The following ADGRV1 variants were observed in gnomAD, a reference collection of about 807,000 sequenced individuals.
The protein encoded by ADGRV1 is adhesion G protein-coupled receptor V1, also known as G-protein coupled receptor 98.
Under a neutral mutation model 596.2 loss-of-function variants are expected in ADGRV1, and 359 were observed. The ratio of observed to expected loss-of-function variants is 0.60; its 90% CI spans 0.55 to 0.66. ADGRV1 has a LOEUF of 0.66. Among genes scored for constraint, ADGRV1 ranks in the 30% least tolerant of loss-of-function variants. The pLI is 0.00. For missense variants in ADGRV1, 7,274 were observed against 7,575.6 expected (o/e 0.96, Z 1.48); for synonymous variants, 2,681 against 2,679.2 (o/e 1.00, Z -0.02).
At chr5:90,634,726 G>A (rs1315749304) in intron 9 of ADGRV1, among the ~76,000 whole-genome samples, 1 of 152,158 alleles carries the variant, frequency 6.6e-6, no homozygotes, top group Non-Finnish European at 1.5e-5. Flanking sequence ...TAGTGAAGGG[G>A]CATGGAACAG....
intron 31 of ADGRV1, 107 bp from the exon 32 acceptor site, chr5:90,692,498 T>C (rs1746609544): frequency 1.3e-6 from 1 of 795,564 alleles, no homozygotes; most frequent in African/African-American, 1.8e-5. Flanking sequence ...TTCATTCCAT[T>C]TTGTTCTTGT....
At chr5:90,810,179 C>A in intron 73 of ADGRV1, 54 bp from the exon 74 acceptor site, 1 of 1,361,642 alleles carries the variant, frequency 7.3e-7, no homozygotes, top group South Asian at 1.5e-5. Context: ...TCTCTACAGT[C>A]ATATTCCTAT....
chr5:91,032,211 A>G (rs1735170884), intron 85 of ADGRV1, among the ~76,000 whole-genome samples: 1 of 152,248 alleles, frequency 6.6e-6, no homozygotes, highest in Non-Finnish European at 1.5e-5. Flanking sequence ...TGGGGATTGC[A>G]AAGAGGCCAG....
At chr5:91,112,056 C>T (rs1057202948) in intron 87 of ADGRV1, among the ~76,000 whole-genome samples, 2 of 152,216 alleles carry the variant, frequency 1.3e-5, no homozygotes, top group African/African-American at 2.4e-5. Context: ...AACTCCATTT[C>T]ACAATGAGTG....
intron 87 of ADGRV1, among the ~76,000 whole-genome samples, chr5:91,110,218 G>A (rs183415844): frequency 1.1e-3 from 163 of 152,200 alleles, no homozygotes; most frequent in Non-Finnish European, 2.1e-3. Flanking sequence ...TCAGGCCAAG[G>A]TATATCCAAA....
chr5:90,569,833 C>T (rs1486213766), intron 1 of ADGRV1, among the ~76,000 whole-genome samples: 1 of 151,908 alleles, frequency 6.6e-6, no homozygotes, highest in Non-Finnish European at 1.5e-5. Context: ...AATAATTTTG[C>T]TCCTATATAG....
chr5:90,985,629 T>G, intron 85 of ADGRV1, 107 bp downstream of exon 85: 1 of 767,344 alleles, frequency 1.3e-6, no homozygotes. Context: ...TTTGCTTTTC[T>G]GCCACAGTGT....
intron 71 of ADGRV1, 99 bp downstream of exon 71, chr5:90,802,981 T>A (rs1481227244): frequency 6.5e-6 from 6 of 919,794 alleles, no homozygotes; most frequent in Non-Finnish European, 9.2e-6. Flanking sequence ...CATGAGTAAC[T>A]ATTTTCTTAA....
intron 83 of ADGRV1, among the ~76,000 whole-genome samples, chr5:90,895,873 C>T (rs1771261440): frequency 6.6e-6 from 1 of 152,132 alleles, no homozygotes; most frequent in Admixed American, 6.6e-5. Flanking sequence ...GTCTTCATAA[C>T]TTTGCTTTGT....
chr5:90,792,647 C>G (rs1230697454), intron 70 of ADGRV1: 1 of 152,140 alleles, frequency 6.6e-6, no homozygotes, highest in African/African-American at 2.4e-5. Context: ...TTTCTGGTCA[C>G]AAAAACAGCG....
intron 83 of ADGRV1, among the ~76,000 whole-genome samples, chr5:90,928,974 A>G (rs1280289424): frequency 6.7e-6 from 1 of 148,492 alleles, no homozygotes; most frequent in Non-Finnish European, 1.5e-5. Context: ...CCACTTGAGG[A>G]GGCAGTCTGC....
intron 87 of ADGRV1, among the ~76,000 whole-genome samples, chr5:91,141,801 A>G (rs2126849236): frequency 6.6e-6 from 1 of 152,330 alleles, no homozygotes; most frequent in East Asian, 1.9e-4. Context: ...GAGATCACAA[A>G]GACTTCCCAG....
In ADGRV1 at chr5:90,628,823, G is replaced by A; in HGVS notation, c.1500G>A (p.Glu500=). The A allele has an allele frequency of 6.2e-7, 1 of 1,613,830 alleles. No homozygotes were observed. Among genetic ancestry groups the A allele is most frequent in the Middle Eastern group, 1.6e-4 (1 of 6,062 alleles). Residue 500 remains glutamate (E), a synonymous_variant, in exon 8 of 90, where the codon GAG becomes GAA. Transcript: ENST00000405460. The stretch of plus-strand genomic sequence containing the variant: ...TACGAGGAGGTGCAGAAGTGAGCGA[G>A]CCAGCGGAGGTATAACCCTTGTTAT... ...HTIRGGAEVS[E]PAELLFYIQD... is the part of the protein sequence containing the mutation.
intron 52 of ADGRV1, among the ~76,000 whole-genome samples, chr5:90,747,764 A>G (rs948225566): frequency 1.3e-5 from 2 of 152,194 alleles, no homozygotes; most frequent in Non-Finnish European, 2.9e-5. Flanking sequence ...GAGCCACTTA[A>G]TAGTTCCAGA....
At chr5:90,917,339 G>A (rs1156837430) in intron 83 of ADGRV1, among the ~76,000 whole-genome samples, 1 of 150,656 alleles carries the variant, frequency 6.6e-6, no homozygotes, top group Non-Finnish European at 1.5e-5. Context: ...ACAGTGATGT[G>A]CCTACAACTA....
intron 84 of ADGRV1, among the ~76,000 whole-genome samples, chr5:90,977,809 T>A (rs1483302220): frequency 6.6e-6 from 1 of 152,176 alleles, no homozygotes; most frequent in African/African-American, 2.4e-5. Flanking sequence ...TATCTGGGTA[T>A]TTCAGTTGGT....
In ADGRV1 at chr5:90,691,002, G is replaced by C; in HGVS notation, c.6912G>C (p.Leu2304Phe). The C allele has an allele frequency of 6.2e-7, 1 of 1,613,782 alleles. No homozygotes were observed. The highest frequency in any genetic ancestry group is 8.5e-7 in the Non-Finnish European group (1 of 1,179,730). Residue 2304 changes from leucine to phenylalanine, a missense_variant, in exon 31 of 90, where the codon TTG (leucine) becomes TTC (phenylalanine). By Grantham distance (22) the Leu-to-Phe change is conservative. Transcript: ENST00000405460. ...FAPGETIQTL[L>F]LEVLADDVPE... ...CTGGGGAAACCATTCAAACCTTGTT[G>C]TTAGAGGTCCTGGCTGACGACGTTC... is the stretch of plus-strand genomic sequence containing the variant.
intron 83 of ADGRV1, among the ~76,000 whole-genome samples, chr5:90,880,472 T>G (rs1409296971): frequency 6.6e-6 from 1 of 152,196 alleles, no homozygotes; most frequent in Non-Finnish European, 1.5e-5. Flanking sequence ...CACATTGGGT[T>G]TAAGAAAGTA....
intron 83 of ADGRV1, chr5:90,931,099 G>A (rs1372789215): frequency 1.3e-5 from 2 of 152,228 alleles, no homozygotes; most frequent in Non-Finnish European, 2.9e-5. Flanking sequence ...GGAGGGAGAA[G>A]GAGGTACTTG....
Sources: allele counts gnomAD v4.1 joint callset (sites outside exome capture counted in the v4.1 genomes callset), GRCh38; gene constraint gnomAD v4.1.1; transcripts MANE v1.5; gene names NCBI Gene and HGNC (gene_info 2026-07-23, HGNC 2026-07-21).